Variants in AGBL4 observed in about 807,000 individuals in gnomAD.
AGBL4 encodes the protein cytosolic carboxypeptidase 6.
A neutral mutation model predicts 66.4 loss-of-function variants in AGBL4; 58 were observed. The ratio of observed to expected loss-of-function variants is 0.87; its 90% CI spans 0.71 to 1.09. The LOEUF (loss-of-function observed/expected upper bound fraction) is 1.09, where lower values mean the gene tolerates loss of function less well. Ranked by LOEUF, AGBL4 falls within the 50% of genes least tolerant of loss-of-function variation. AGBL4 has a pLI of 0.00. For synonymous variants in AGBL4, 234 were observed against 222.9 expected, an observed-to-expected ratio of 1.05 and a Z score of -0.44; for missense variants, 579 against 631.0, an observed-to-expected ratio of 0.92 and a Z score of 0.88.
intron 2 of AGBL4, among the ~76,000 whole-genome samples, chr1:49,726,053 CAAAT>C (rs934718939): frequency 6.6e-5 from 10 of 151,786 alleles, no homozygotes; most frequent in African/African-American, 2.4e-4. Context: ...GAGGGAGAGA[CAAAT>C]AAGAGAAACA....
In AGBL4 at chr1:49,892,546, A is replaced by G. The variant is rs552368060; in HGVS notation, c.35-41028T>C. ...TGACCTGTTCCCTTCTATAATACCA[A>G]TGCTTTTTGCCAATCACTGTACCTT... On this transcript the variant is annotated intron_variant, in intron 1 of 13. Coordinates refer to ENST00000371839, the MANE Select transcript of AGBL4 (RefSeq NM_032785.4). 4.1e-4 allele frequency among the ~76,000 whole-genome samples: 62 copies of G among 152,102 alleles called. 1 individual carries two copies. Among genetic ancestry groups the G allele is most frequent in the Non-Finnish European group, 7.2e-4 (49 of 67,976 alleles).
chr1:49,590,427 A>G (rs528943614), intron 3 of AGBL4, among the ~76,000 whole-genome samples: 2 of 151,790 alleles, frequency 1.3e-5, no homozygotes, highest in African/African-American at 4.8e-5. Context: ...CCCTGGCACA[A>G]GGGCACTACT....
chr1:48,594,859 G>A (rs72679388), intron 9 of AGBL4, among the ~76,000 whole-genome samples: 20,034 of 151,884 alleles, frequency 0.13, 1,461 homozygotes, highest in Middle Eastern at 0.18. Flanking sequence ...AAAACTCCTC[G>A]TACACAATCA....
At chr1:49,934,728 T>G (rs1475579707) in intron 1 of AGBL4, among the ~76,000 whole-genome samples, 1 of 151,412 alleles carries the variant, frequency 6.6e-6, no homozygotes, top group South Asian at 2.1e-4. Flanking sequence ...GTAACCTAAC[T>G]GTACACCTCA....
chr1:48,877,258 G>T lies in AGBL4; in HGVS notation c.595-10028C>A, dbSNP rs572257988. Among the ~76,000 whole-genome samples, 9 of 152,264 alleles carry T rather than the reference G, an allele frequency of 5.9e-5. No individual in the cohort carries two copies. The South Asian group carries it at 1.2e-3, about 21-fold the overall frequency. On this transcript the variant is annotated intron_variant, in intron 5 of 13. Coordinates refer to ENST00000371839, the MANE Select transcript of AGBL4 (RefSeq NM_032785.4). ...TAAGTAGAGGAAGGGGAAATATTTA[G>T]TTCGTAATTAGTTCTGGATTCCAAA...
intron 5 of AGBL4, among the ~76,000 whole-genome samples, chr1:49,015,260 C>T (rs1662727894): frequency 6.6e-6 from 1 of 151,978 alleles, no homozygotes; most frequent in African/African-American, 2.4e-5. Flanking sequence ...CTTCTTTTCC[C>T]CTCATCTTTC....
chr1:48,589,655 C>T (rs1337158739), intron 10 of AGBL4, among the ~76,000 whole-genome samples: 2 of 152,172 alleles, frequency 1.3e-5, no homozygotes, highest in Admixed American at 6.5e-5. Flanking sequence ...TAACAGCAAC[C>T]GTCTCTGGAG....
At chr1:49,117,009 T>A (rs1355580346) in intron 4 of AGBL4, among the ~76,000 whole-genome samples, 1 of 152,194 alleles carries the variant, frequency 6.6e-6, no homozygotes, top group Non-Finnish European at 1.5e-5. Flanking sequence ...GTTGTCTGCA[T>A]AAATGTCTTC....
At chr1:49,956,277 A>G (rs1337608255) in intron 1 of AGBL4, among the ~76,000 whole-genome samples, 1 of 151,848 alleles carries the variant, frequency 6.6e-6, no homozygotes, top group East Asian at 1.9e-4. Context: ...ACAATTTTTA[A>G]AATATGCTGA....
intron 6 of AGBL4, among the ~76,000 whole-genome samples, chr1:48,701,404 G>T (rs994362343): frequency 6.6e-6 from 1 of 152,050 alleles, no homozygotes; most frequent in Non-Finnish European, 1.5e-5. Flanking sequence ...AAACTGGGAA[G>T]AATAATACAT....
intron 1 of AGBL4, among the ~76,000 whole-genome samples, chr1:49,869,290 C>G (rs1161376482): frequency 6.6e-6 from 1 of 152,168 alleles, no homozygotes; most frequent in African/African-American, 2.4e-5. Flanking sequence ...AAGATACACT[C>G]ATGTGCATGT....
At chr1:49,728,456 CCAGCTTGCAGTGCCTTCTTATTTA>C (rs1420713683) in intron 2 of AGBL4, among the ~76,000 whole-genome samples, 1 of 152,196 alleles carries the variant, frequency 6.6e-6, no homozygotes, top group African/African-American at 2.4e-5. Context: ...AACTTAGCAG[CCAGCTTGCAGTGCCTTCTTATTTA>C]CAGCTATTGT....
chr1:49,051,913 CATCTT>C (rs1644222724), intron 4 of AGBL4, among the ~76,000 whole-genome samples: 1 of 152,084 alleles, frequency 6.6e-6, no homozygotes, highest in Non-Finnish European at 1.5e-5. Flanking sequence ...ATCAGATTAT[CATCTT>C]ATCAGGGGCT....
chr1:49,191,181 A>C (rs964966294), intron 4 of AGBL4, among the ~76,000 whole-genome samples: 2 of 152,244 alleles, frequency 1.3e-5, no homozygotes, highest in African/African-American at 4.8e-5. Context: ...GGTCCTGTAC[A>C]TTAAGGGAAG....
chr1:49,812,729 A>G (rs746793198), intron 2 of AGBL4, among the ~76,000 whole-genome samples: 3 of 152,090 alleles, frequency 2.0e-5, no homozygotes, highest in Non-Finnish European at 2.9e-5. Context: ...GATAAATGTT[A>G]ATTTTCTAAC....
chr1:49,186,856 T>C (rs1255426332), intron 4 of AGBL4, among the ~76,000 whole-genome samples: 1 of 152,002 alleles, frequency 6.6e-6, no homozygotes, highest in African/African-American at 2.4e-5. Context: ...AACACACAGG[T>C]TGACCGAAGC....
At chr1:48,750,660 G>C (rs1021518832) in intron 6 of AGBL4, among the ~76,000 whole-genome samples, 1 of 152,226 alleles carries the variant, frequency 6.6e-6, no homozygotes, top group Admixed American at 6.5e-5. Context: ...AACAGAGGAA[G>C]GATCCAATAA....
At chr1:49,175,834 CAAGT>C (rs1340840657) in intron 4 of AGBL4, among the ~76,000 whole-genome samples, 1 of 152,112 alleles carries the variant, frequency 6.6e-6, no homozygotes, top group African/African-American at 2.4e-5. Context: ...GTCACAATAA[CAAGT>C]AAGTGCTATG....
chr1:49,016,872 T>C (rs1284737753), intron 5 of AGBL4, among the ~76,000 whole-genome samples: 1 of 152,176 alleles, frequency 6.6e-6, no homozygotes, highest in East Asian at 1.9e-4. Flanking sequence ...AGACCACACA[T>C]GGACTCACAC....
Sources: allele counts gnomAD v4.1 joint callset (sites outside exome capture counted in the v4.1 genomes callset), GRCh38; gene constraint gnomAD v4.1.1; transcripts MANE v1.5; gene names NCBI Gene and HGNC (gene_info 2026-07-23, HGNC 2026-07-21).